Variants in WAPL observed in about 807,000 individuals in gnomAD.
WAPL encodes the protein WAPL cohesin release factor, also known as wings apart-like protein homolog.
In WAPL, 5 loss-of-function variants were observed where a neutral mutation model predicts 121.0. The ratio of observed to expected loss-of-function variants is 0.04; its 90% CI spans 0.02 to 0.09. The LOEUF (loss-of-function observed/expected upper bound fraction) is 0.09. Ranked by LOEUF, WAPL falls within the 10% of genes least tolerant of loss-of-function variation. The pLI, the probability that WAPL is intolerant of heterozygous loss-of-function variation, is 1.00. For synonymous variants in WAPL, 480 were observed against 481.5 expected (o/e 1.00, Z 0.04); for missense variants, 999 against 1,410.8 (o/e 0.71, Z 4.68).
intron 12 of WAPL, 99 bp from the exon 13 acceptor site, chr10:86,453,930 A>C (rs1470906772): frequency 3.5e-6 from 4 of 1,146,980 alleles, no homozygotes; most frequent in Non-Finnish European, 4.5e-6. Context: ...ATGAAATTTC[A>C]CTTTATTTTG....
chr10:86,467,541 T>G, intron 8 of WAPL, 35 bp from the exon 9 acceptor site: 1 of 1,510,296 alleles, frequency 6.6e-7, no homozygotes, highest in Non-Finnish European at 9.0e-7. Context: ...GAAAAAAAAC[T>G]TCATGTAAGC....
intron 4 of WAPL, among the ~76,000 whole-genome samples, chr10:86,476,676 G>A (rs1458962983): frequency 1.4e-5 from 2 of 144,956 alleles, no homozygotes; most frequent in South Asian, 2.3e-4. Flanking sequence ...GCGACAAAGC[G>A]AGACTGTCTT....
chr10:86,505,300 C>CTTTTTTT lies in WAPL; in HGVS notation c.500-4564_500-4558dup, dbSNP rs531404303. Among the ~76,000 whole-genome samples, 29 of 44,642 alleles carry CTTTTTTT rather than the reference C, an allele frequency of 6.5e-4. 2 individuals are homozygous for CTTTTTTT. The highest frequency in any genetic ancestry group is 2.8e-3 in the South Asian group (3 of 1,076). The allele number at this position is 44,642 out of a possible 152,430, so 29.3% of individuals were successfully genotyped here. On this transcript the variant is annotated intron_variant, in intron 2 of 18. Coordinates refer to ENST00000298767, the MANE Select transcript of WAPL (RefSeq NM_015045.5). ...CAAGCTTCAGCCACAGTGCCCAACT[C>CTTTTTTT]TTTTTTTTTTTTTTTTTTTTTTTTT...
rs1273538868 is a variant in WAPL at position 86,437,358 on chromosome 10, T to C, written c.*185A>G. On this transcript the variant is annotated 3_prime_UTR_variant, in exon 19 of 19. Coordinates refer to ENST00000298767, the MANE Select transcript of WAPL (RefSeq NM_015045.5). ...CATTTTTGATAGTTGCAGATTGATG[T>C]AGTAACTGTCATTTAGCAAATGCCG... is the stretch of plus-strand genomic sequence containing the variant. The C allele has an allele frequency of 9.4e-5, 54 of 571,716 alleles. No homozygotes were observed. The South Asian group carries it at 9.5e-4, about 10-fold the overall frequency. 35.4% of individuals were successfully genotyped at this position (571,716 alleles called of 1,614,324 possible).
At chr10:86,474,904 AC>A (rs1841617630) in intron 4 of WAPL, among the ~76,000 whole-genome samples, 1 of 152,210 alleles carries the variant, frequency 6.6e-6, no homozygotes. Flanking sequence ...GCTGTGTGCC[AC>A]CACTCAAGAG....
rs916791913 is a variant in WAPL, at chr10:86,513,524, C to T, written c.499+4047G>A. 4.7e-5 allele frequency among the ~76,000 whole-genome samples: 7 copies of T among 150,494 alleles called. No individual in the cohort carries two copies. The East Asian group carries it at 1.2e-3, about 26-fold the overall frequency. ...ATTTTTGTATTTTTTTTAGTAAAGA[C>T]GGGGTTTCACCATGTTGGTCAGGCT... On this transcript the variant is annotated intron_variant, in intron 2 of 18. Coordinates refer to ENST00000298767, the MANE Select transcript of WAPL (RefSeq NM_015045.5).
chr10:86,497,042 A>C (rs955006055), intron 4 of WAPL, among the ~76,000 whole-genome samples, 159 bp downstream of exon 4: 3 of 152,222 alleles, frequency 2.0e-5, no homozygotes, highest in Non-Finnish European at 4.4e-5. Flanking sequence ...TATATTTTAC[A>C]ATTTTTTAAA....
chr10:86,449,899 G>A (rs1304130121), intron 15 of WAPL, among the ~76,000 whole-genome samples: 1 of 152,206 alleles, frequency 6.6e-6, no homozygotes, highest in African/African-American at 2.4e-5. Flanking sequence ...TTCTTTTATG[G>A]TGACGGTTCT....
chr10:86,487,047 G>A (rs1841943327), intron 4 of WAPL, among the ~76,000 whole-genome samples: 1 of 151,992 alleles, frequency 6.6e-6, no homozygotes, highest in Non-Finnish European at 1.5e-5. Context: ...CCCAGCAGCA[G>A]TCTTAACTGC....
chr10:86,464,973 A>C (rs1055184634), intron 9 of WAPL, among the ~76,000 whole-genome samples: 3 of 152,244 alleles, frequency 2.0e-5, no homozygotes, highest in Admixed American at 6.5e-5. Context: ...TACTGAATAC[A>C]TGTCAGTTTT....
intron 4 of WAPL, among the ~76,000 whole-genome samples, chr10:86,492,392 C>A (rs4933398): frequency 6.6e-6 from 1 of 152,204 alleles, no homozygotes; most frequent in Non-Finnish European, 1.5e-5. Context: ...TAATGGGGAA[C>A]AGGGCATGCA....
intron 18 of WAPL, 51 bp from the exon 19 acceptor site, chr10:86,437,659 T>G (rs1212460300): frequency 5.1e-6 from 8 of 1,581,814 alleles, no homozygotes; most frequent in Non-Finnish European, 6.9e-6. Context: ...TTTAACAGAT[T>G]TTAAGAAGTA....
At chr10:86,510,229 C>G (rs956622230) in intron 2 of WAPL, among the ~76,000 whole-genome samples, 2 of 151,782 alleles carry the variant, frequency 1.3e-5, no homozygotes, top group African/African-American at 4.8e-5. Context: ...CACACGCCAC[C>G]ACGCCTGGCT....
At chr10:86,503,386 T>C (rs1440496027) in intron 2 of WAPL, among the ~76,000 whole-genome samples, 2 of 152,164 alleles carry the variant, frequency 1.3e-5, no homozygotes, top group Non-Finnish European at 2.9e-5. Flanking sequence ...AAAGGTTTAA[T>C]TGGTGCAGGG....
intron 9 of WAPL, among the ~76,000 whole-genome samples, chr10:86,462,317 C>T (rs973029805): frequency 1.3e-5 from 2 of 152,144 alleles, no homozygotes; most frequent in African/African-American, 4.8e-5. Flanking sequence ...GAAAAATGCA[C>T]ATAAATTAGA....
At chr10:86,505,900 T>A (rs1163450592) in intron 2 of WAPL, among the ~76,000 whole-genome samples, 1 of 151,788 alleles carries the variant, frequency 6.6e-6, no homozygotes, top group Non-Finnish European at 1.5e-5. Context: ...GAAAGAAAAA[T>A]TATTAAAGAA....
intron 1 of WAPL, among the ~76,000 whole-genome samples, chr10:86,519,561 A>G (rs748867898): frequency 2.0e-5 from 3 of 152,184 alleles, no homozygotes; most frequent in South Asian, 2.1e-4. Flanking sequence ...GTCATCATAC[A>G]TATCTGCGTT....
chr10:86,460,582 G>A (rs1021991808), intron 10 of WAPL, 86 bp from the exon 11 acceptor site: 1 of 1,050,322 alleles, frequency 9.5e-7, no homozygotes, highest in South Asian at 1.4e-5. Context: ...GAAGCCATCT[G>A]TACACACGCT....
At position 86,497,184 on chromosome 10, in the gene WAPL, G is replaced by A. The variant is rs371738778; in HGVS notation, c.1644+17C>T. ...TAACAAATAAATAATAAAAATCACT[G>A]ACAGTGCTTTACTTACCCGTTTGGG... On this transcript the variant is annotated intron_variant, in intron 4 of 18. Coordinates refer to ENST00000298767, the MANE Select transcript of WAPL (RefSeq NM_015045.5). 1 of 1,552,148 alleles carries A rather than the reference G, an allele frequency of 6.4e-7. No homozygotes were observed. The highest frequency in any genetic ancestry group is 8.8e-7 in the Non-Finnish European group (1 of 1,133,046).
Sources: gnomAD v4.1 joint callset for allele counts (sites outside exome capture counted in the v4.1 genomes callset) on GRCh38, gnomAD v4.1.1 for gene constraint, MANE v1.5 for transcripts, NCBI Gene and HGNC (gene_info 2026-07-23, HGNC 2026-07-21) for gene names.